The following RND1 variants were observed in gnomAD, a reference collection of about 807,000 sequenced individuals.
RND1 encodes rho-related GTP-binding protein Rho6.
Under a neutral mutation model 27.1 loss-of-function variants are expected in RND1, and 9 were observed. The ratio of observed to expected loss-of-function variants is 0.33; its 90% CI spans 0.20 to 0.58. RND1 has a LOEUF of 0.58. Among genes scored for constraint, RND1 ranks in the 20% least tolerant of loss-of-function variants. The probability of loss-of-function intolerance (pLI) is 0.86; values close to 1 mark genes in which losing one functional copy is unlikely to be tolerated. For synonymous variants in RND1, 108 were observed against 115.7 expected, an observed-to-expected ratio of 0.93 and a Z score of 0.43; for missense variants, 253 against 292.2, an observed-to-expected ratio of 0.87 and a Z score of 0.98.
intron 2 of RND1, among the ~76,000 whole-genome samples, chr12:48,864,239 G>C (rs1938954221): frequency 6.6e-6 from 1 of 152,172 alleles, no homozygotes; most frequent in African/African-American, 2.4e-5. Flanking sequence ...CAGGAGGACA[G>C]CAGTGGCCCA....
At position 48,857,545 on chromosome 12, in the gene RND1, GC is replaced by G. The variant is rs1395512427; in HGVS notation, c.*450del. The G allele has an allele frequency of 1.3e-5, 2 of 155,838 alleles. No individual in the cohort carries two copies. The highest frequency in any genetic ancestry group is 1.4e-5 in the Non-Finnish European group (1 of 70,246). 9.7% of individuals were successfully genotyped at this position (155,838 alleles called of 1,614,324 possible). ...CCTGGGCTAAGCCCCCAAGGGAGCT[GC>G]CGCTCCACTTCCCCACTCTCCGTTG... is the stretch of plus-strand genomic sequence containing the variant. On this transcript the variant is annotated 3_prime_UTR_variant, in exon 5 of 5. Coordinates refer to ENST00000309739, the MANE Select transcript of RND1 (RefSeq NM_014470.4).
intron 2 of RND1, among the ~76,000 whole-genome samples, chr12:48,864,412 T>TGCGCGC (rs1280411103): frequency 8.9e-6 from 1 of 112,296 alleles, no homozygotes; most frequent in Non-Finnish European, 1.9e-5. Flanking sequence ...TGTGTGTGTG[T>TGCGCGC]GTGTGCGCGC....
At chr12:48,860,021 A>G (rs902302107) in intron 4 of RND1, among the ~76,000 whole-genome samples, 2 of 149,408 alleles carry the variant, frequency 1.3e-5, no homozygotes, top group African/African-American at 5.0e-5. Context: ...GAAGTGATCC[A>G]CCTGCCTCCG....
intron 3 of RND1, among the ~76,000 whole-genome samples, 200 bp downstream of exon 3, chr12:48,861,809 C>A (rs1170596913): frequency 6.6e-6 from 1 of 152,206 alleles, no homozygotes; most frequent in Non-Finnish European, 1.5e-5. Context: ...CATGGGATAA[C>A]AAAAAGGGCG....
intron 2 of RND1, 23 bp from the exon 3 acceptor site, chr12:48,862,141 G>A (rs768925530): frequency 2.8e-6 from 4 of 1,430,930 alleles, no homozygotes; most frequent in South Asian, 2.3e-5. Context: ...AGAAAGAGCT[G>A]ATGGTGAGCC....
Position 48,865,697 on chromosome 12 carries a change from C to T in RND1, c.71G>A (p.Cys24Tyr). 1 of 1,614,174 alleles carries T rather than the reference C, an allele frequency of 6.2e-7. No individual in the cohort carries two copies. The highest frequency in any genetic ancestry group is 8.5e-7 in the Non-Finnish European group (1 of 1,180,006). The part of the protein sequence containing the change: ...CKLVLVGDVQ[C>Y]GKTAMLQVLA... Reference sequence around the variant, plus strand: ...CACTTGCAACATCGCGGTCTTCCCACACTGCACGTCCCCGACCAGAACGAG... The same window carrying T: ...CACTTGCAACATCGCGGTCTTCCCATACTGCACGTCCCCGACCAGAACGAG... Residue 24 changes from cysteine to tyrosine, a missense_variant, in exon 1 of 5, where the codon TGT becomes TAT. By Grantham distance (194) the Cys-to-Tyr change is radical. Transcript: ENST00000309739.
Position 48,858,120 on chromosome 12 carries a change from C to T in RND1, c.575G>A (p.Ser192Asn). The T allele has an allele frequency of 6.2e-7, 1 of 1,614,026 alleles. No homozygotes were observed. The highest frequency in any genetic ancestry group is 8.5e-7 in the Non-Finnish European group (1 of 1,180,008). Residue 192 changes from serine (S) to asparagine (N), a missense_variant, in exon 5 of 5, where the codon AGC (serine) becomes AAC (asparagine). Physicochemically the swap from Ser to Asn is conservative, Grantham distance 46. Coordinates refer to ENST00000309739, the MANE Select transcript of RND1 (RefSeq NM_014470.4). ...TASMLCLNKP[S>N]PLPQKSPVRS... ...GACAGGGCTCTTCTGGGGCAGTGGG[C>T]TAGGCTTGTTCAGACACAGCATGGA...
In RND1 at chr12:48,857,980, C is replaced by T. The variant is rs1044865179; in HGVS notation, c.*16G>A. ...GGGAGGAAGTAGGGGGTTGTCTCCCCCCTCCAATTTCCACTTCACATAATG... is the reference window on the plus strand; with the variant it reads ...GGGAGGAAGTAGGGGGTTGTCTCCCTCCTCCAATTTCCACTTCACATAATG... On this transcript the variant is annotated 3_prime_UTR_variant, in exon 5 of 5. Transcript: ENST00000309739. 6.3e-7 allele frequency: 1 copy of T among 1,576,404 alleles called. No individual in the cohort carries two copies. The highest frequency in any genetic ancestry group is 2.2e-5 in the East Asian group (1 of 44,452).
At chr12:48,860,494 C>T (rs932543603) in intron 4 of RND1, among the ~76,000 whole-genome samples, 4 of 150,724 alleles carry the variant, frequency 2.7e-5, no homozygotes, top group Non-Finnish European at 1.5e-5. Flanking sequence ...GCTCAAGCAG[C>T]GGTCCTCCCA....
chr12:48,860,660 C>T (rs1427721337), intron 4 of RND1, among the ~76,000 whole-genome samples: 3 of 150,580 alleles, frequency 2.0e-5, no homozygotes, highest in Non-Finnish European at 4.4e-5. Context: ...CTCAGCCTCC[C>T]AAAGTTCTGG....
In RND1 at chr12:48,858,153, C is replaced by T. The variant is rs770565603; in HGVS notation, c.542G>A (p.Arg181Gln). The change falls in exon 5 of 5, where the codon CGG becomes CAG. Residue 181 changes from arginine (R) to glutamine (Q), a missense_variant. Physicochemically the swap from Arg to Gln is conservative, Grantham distance 43. Transcript: ENST00000309739. ...TSEKSIHSIF[R>Q]TASMLCLNKP... ...GTTCAGACACAGCATGGATGCCGTC[C>T]GAAAGATGCTGTGGATGCTCTTTTC... is the stretch of plus-strand genomic sequence containing the variant. 3.7e-6 allele frequency: 6 copies of T among 1,613,948 alleles called. No homozygotes were observed. The African/African-American group carries it at 4.0e-5, about 11-fold the overall frequency.
Position 48,861,069 on chromosome 12 carries a change from T to C in RND1, c.381A>G (p.Thr127=). The change falls in exon 4 of 5, where the codon ACA becomes ACG. Residue 127 remains threonine, a synonymous_variant. Coordinates refer to ENST00000309739, the MANE Select transcript of RND1 (RefSeq NM_014470.4). ...STRVLLIGCK[T]DLRTDLSTLM... is the part of the protein sequence containing the mutation. ...GAGTACTCAGGTCTGTTCGCAGGTC[T>C]GTCTTGCAGCCAATGAGCAAAACGC... 6.2e-7 allele frequency: 1 copy of C among 1,614,160 alleles called. No homozygotes were observed. The highest frequency in any genetic ancestry group is 1.1e-5 in the South Asian group (1 of 91,072).
intron 2 of RND1, among the ~76,000 whole-genome samples, chr12:48,862,664 A>G (rs1938932390): frequency 6.6e-6 from 1 of 152,162 alleles, no homozygotes; most frequent in African/African-American, 2.4e-5. Context: ...ATCGGCTTAC[A>G]CTGAAAAGGG....
At chr12:48,864,414 T>TGCGC (rs1296870474) in intron 2 of RND1, among the ~76,000 whole-genome samples, 5,612 of 109,142 alleles carry the variant, frequency 0.051, 140 homozygotes, top group African/African-American at 0.11. Context: ...TGTGTGTGTG[T>TGCGC]GTGCGCGCGC....
intron 4 of RND1, among the ~76,000 whole-genome samples, chr12:48,860,557 ATTTTTTTTTTTTT>A (rs34655698): frequency 1.8e-4 from 13 of 70,648 alleles, no homozygotes; most frequent in Admixed American, 1.1e-3. Flanking sequence ...ACACCCAGCT[ATTTTTTTTTTTTT>A]TTTTTTTTTT....
chr12:48,858,311 C>T, intron 4 of RND1, 70 bp from the exon 5 acceptor site: 1 of 1,558,474 alleles, frequency 6.4e-7, no homozygotes, highest in Non-Finnish European at 8.7e-7. Flanking sequence ...CTGTGCGTCA[C>T]TCCCCAGGGC....
intron 2 of RND1, among the ~76,000 whole-genome samples, chr12:48,864,416 T>TGTGTGTGTGTGCGCGCGCGC (rs141121524): frequency 2.2e-5 from 3 of 135,460 alleles, no homozygotes; most frequent in African/African-American, 8.2e-5. Context: ...TGTGTGTGTG[T>TGTGTGTGTGTGCGCGCGCGC]GCGCGCGCGC....
intron 3 of RND1, 113 bp from the exon 4 acceptor site, chr12:48,861,244 T>C: frequency 2.0e-6 from 2 of 1,024,830 alleles, no homozygotes. Context: ...ACCTCACTCA[T>C]CACCAGCCCA....
Position 48,858,224 on chromosome 12 carries a change from C to G in RND1, c.471G>C (p.Lys157Asn), listed in dbSNP as rs751456316. 3 of 1,614,062 alleles carry G rather than the reference C, an allele frequency of 1.9e-6. No homozygotes were observed. In the South Asian group the frequency reaches 3.3e-5, roughly 18 times the overall value. ...ISYEQGCAIA[K>N]QLGAEIYLEG... ...CCAGGTAGATTTCTGCACCCAGCTGCTTTGCTATTGCACAACCCTGCAGGA... is the reference window on the plus strand; with the variant it reads ...CCAGGTAGATTTCTGCACCCAGCTGGTTTGCTATTGCACAACCCTGCAGGA... The change falls in exon 5 of 5, where the codon AAG becomes AAC. Residue 157 changes from lysine to asparagine, a missense_variant. Transcript: ENST00000309739.
Sources: allele counts gnomAD v4.1 joint callset (sites outside exome capture counted in the v4.1 genomes callset), GRCh38; gene constraint gnomAD v4.1.1; transcripts MANE v1.5; gene names NCBI Gene and HGNC (gene_info 2026-07-23, HGNC 2026-07-21).